MAGI2: variants seen among roughly 807,000 people sequenced by gnomAD.
MAGI2 encodes membrane-associated guanylate kinase, WW and PDZ domain-containing protein 2.
MAGI2 carries 35 observed loss-of-function variants against 133.3 expected under a neutral mutation model. The observed-to-expected ratio is 0.26, with a 90% CI of 0.20 to 0.35. MAGI2 has a LOEUF of 0.35. Among genes scored for constraint, MAGI2 ranks in the 10% least tolerant of loss-of-function variants. The pLI, the probability that MAGI2 is intolerant of heterozygous loss-of-function variation, is 1.00. For synonymous variants in MAGI2, 729 were observed against 710.6 expected (o/e 1.03, Z -0.41); for missense variants, 1,636 against 1,863.4 (o/e 0.88, Z 2.25).
At chr7:78,766,023 CA>C (rs1165975536) in intron 2 of MAGI2, among the ~76,000 whole-genome samples, 4 of 152,152 alleles carry the variant, frequency 2.6e-5, no homozygotes, top group Non-Finnish European at 5.9e-5. Context: ...TGTACGAATC[CA>C]AGATCAAGAA....
intron 1 of MAGI2, among the ~76,000 whole-genome samples, chr7:79,418,201 A>C (rs1279261515): frequency 2.4e-4 from 37 of 152,118 alleles, no homozygotes; most frequent in Admixed American, 1.7e-3. Context: ...CTGAAAATGA[A>C]ATAAAGTTTG....
chr7:79,444,115 G>A (rs896469604), intron 1 of MAGI2, among the ~76,000 whole-genome samples: 7 of 152,120 alleles, frequency 4.6e-5, no homozygotes, highest in East Asian at 1.9e-4. Context: ...ATTCAACAAC[G>A]CTTCATGCTA....
intron 6 of MAGI2, among the ~76,000 whole-genome samples, chr7:78,436,698 A>C (rs1409727927): frequency 6.6e-6 from 1 of 152,036 alleles, no homozygotes; most frequent in African/African-American, 2.4e-5. Flanking sequence ...GCCCTCTCAT[A>C]CTTCTCCACT....
chr7:78,127,441 C>A (rs368150651), intron 18 of MAGI2, 25 bp from the exon 19 acceptor site: 35 of 1,562,402 alleles, frequency 2.2e-5, no homozygotes, highest in Middle Eastern at 1.7e-4. Flanking sequence ...ATGGGATTTG[C>A]TTTTGTAACT....
In MAGI2 at chr7:78,256,293, G is replaced by A. The variant is rs750113038; in HGVS notation, c.1697C>T (p.Pro566Leu). The part of the protein sequence containing the change: ...QSVPDITDRP[P>L]HSLHSMPTDG... ...AGTTGGCATGGAGTGCAGAGAATGAGGCGGCCGATCTGTTATATCTGGAAC... is the reference window on the plus strand; with the variant it reads ...AGTTGGCATGGAGTGCAGAGAATGAAGCGGCCGATCTGTTATATCTGGAAC... Residue 566 changes from proline (P) to leucine (L), a missense_variant, in exon 10 of 22, where the codon CCT becomes CTT. Physicochemically the swap from Pro to Leu is moderately conservative, Grantham distance 98. This residue lies in a region of MAGI2 where 920 missense variants were observed against 1,093.5 expected (regional missense o/e 0.84). Coordinates refer to ENST00000354212, the MANE Select transcript of MAGI2 (RefSeq NM_012301.4). The A allele has an allele frequency of 6.2e-7, 1 of 1,614,088 alleles. No homozygotes were observed. The highest frequency in any genetic ancestry group is 2.2e-5 in the East Asian group (1 of 44,844).
chr7:78,888,376 G>C (rs1267797747), intron 2 of MAGI2, among the ~76,000 whole-genome samples: 1 of 152,206 alleles, frequency 6.6e-6, no homozygotes, highest in Non-Finnish European at 1.5e-5. Flanking sequence ...GCTTTGAAGA[G>C]AGTAGCGGTT....
At chr7:79,339,743 C>T (rs1047598205) in intron 1 of MAGI2, among the ~76,000 whole-genome samples, 1 of 152,062 alleles carries the variant, frequency 6.6e-6, no homozygotes, top group South Asian at 2.1e-4. Context: ...TTGTTTGTGG[C>T]TTTATACTTA....
intron 2 of MAGI2, among the ~76,000 whole-genome samples, chr7:78,698,747 T>G (rs1473284837): frequency 6.6e-6 from 1 of 152,104 alleles, no homozygotes; most frequent in African/African-American, 2.4e-5. Context: ...ACGTCCTTTT[T>G]CACGTGGCAG....
intron 12 of MAGI2, among the ~76,000 whole-genome samples, chr7:78,190,164 A>AT (rs905785307): frequency 2.0e-5 from 3 of 152,016 alleles, no homozygotes; most frequent in Admixed American, 6.6e-5. Context: ...CTTACTACCT[A>AT]TTTTTTTCTA....
At chr7:78,415,600 G>T (rs1003680673) in intron 6 of MAGI2, among the ~76,000 whole-genome samples, 3 of 152,026 alleles carry the variant, frequency 2.0e-5, no homozygotes, top group Non-Finnish European at 4.4e-5. Flanking sequence ...CTGATCTGAA[G>T]GTATCAAGTG....
At chr7:79,368,580 G>A (rs1405818406) in intron 1 of MAGI2, among the ~76,000 whole-genome samples, 3 of 152,072 alleles carry the variant, frequency 2.0e-5, no homozygotes, top group Non-Finnish European at 2.9e-5. Flanking sequence ...CAGGCGCGGT[G>A]GCTCACGCCT....
At chr7:78,135,305 C>T in intron 16 of MAGI2, 99 bp from the exon 17 acceptor site, 1 of 1,010,780 alleles carries the variant, frequency 9.9e-7, no homozygotes, top group East Asian at 2.4e-5. Flanking sequence ...AGAATTCCTT[C>T]CTTCGTCAGT....
Position 78,700,221 on chromosome 7 carries a change from TTAATGG to T in MAGI2, c.419-72988_419-72983del, listed in dbSNP as rs563992020. 5.9e-5 allele frequency among the ~76,000 whole-genome samples: 9 copies of T among 152,278 alleles called. No homozygotes were observed. The East Asian group carries it at 1.7e-3, about 29-fold the overall frequency. ...GCTCTGTTTCTATTACATTTGCCACTTAATGGTAGGAGATAGAGATTCTCCTCTTGA... is the reference window on the plus strand; with the variant it reads ...GCTCTGTTTCTATTACATTTGCCACTTAGGAGATAGAGATTCTCCTCTTGA... On this transcript the variant is annotated intron_variant, in intron 2 of 21. Transcript: ENST00000354212.
intron 3 of MAGI2, among the ~76,000 whole-genome samples, chr7:78,597,310 A>G (rs866369200): frequency 4.6e-5 from 7 of 151,232 alleles, no homozygotes; most frequent in Middle Eastern, 3.4e-3. Flanking sequence ...TATACTTCTC[A>G]GCATACTTGA....
chr7:78,172,354 A>G (rs1524745), intron 14 of MAGI2, among the ~76,000 whole-genome samples: 75,521 of 151,832 alleles, frequency 0.5, 18,899 homozygotes, highest in African/African-American at 0.53. Context: ...TCCTTCTGAA[A>G]CTCCTCCAAC....
intron 1 of MAGI2, among the ~76,000 whole-genome samples, chr7:79,380,182 A>G (rs1843681245): frequency 6.6e-6 from 1 of 151,860 alleles, no homozygotes. Context: ...CTGCACAGCA[A>G]AAGAAACTAC....
At chr7:78,024,086 A>G (rs1474820465) in intron 21 of MAGI2, among the ~76,000 whole-genome samples, 1 of 152,164 alleles carries the variant, frequency 6.6e-6, no homozygotes, top group Admixed American at 6.5e-5. Context: ...AAGGATGACT[A>G]TATCTTACCA....
intron 9 of MAGI2, among the ~76,000 whole-genome samples, chr7:78,269,013 C>G (rs956078580): frequency 3.3e-5 from 5 of 152,162 alleles, no homozygotes; most frequent in Non-Finnish European, 7.3e-5. Flanking sequence ...TCACCTCACA[C>G]TTATGAGTGA....
chr7:78,575,580 A>T (rs1019155470), intron 3 of MAGI2, among the ~76,000 whole-genome samples: 2 of 152,194 alleles, frequency 1.3e-5, no homozygotes, highest in South Asian at 4.1e-4. Flanking sequence ...TCACTCAGTT[A>T]CATGATGAAG....
Sources: allele counts gnomAD v4.1 joint callset (sites outside exome capture counted in the v4.1 genomes callset), GRCh38; gene constraint gnomAD v4.1.1; regional missense constraint gnomAD v4.1.1; transcripts MANE v1.5; gene names NCBI Gene and HGNC (gene_info 2026-07-23, HGNC 2026-07-21).